MGAM2: variants seen among roughly 807,000 people sequenced by gnomAD.
MGAM2 encodes probable maltase-glucoamylase 2.
A neutral mutation model predicts 96.1 loss-of-function variants in MGAM2; 98 were observed. That is an observed-to-expected ratio of 1.02 (90% CI 0.87 to 1.21). MGAM2 has a LOEUF of 1.21. MGAM2 is among the 50% of genes most tolerant of loss of function. The pLI is 0.00. For synonymous variants in MGAM2, 749 were observed against 414.8 expected (o/e 1.81, Z -9.79); for missense variants, 2,055 against 1,182.4 (o/e 1.74, Z -10.82).
intron 46 of MGAM2, 124 bp downstream of exon 46, chr7:142,208,746 A>G (rs1797487347): frequency 1.7e-6 from 1 of 601,364 alleles, no homozygotes; most frequent in Non-Finnish European, 2.9e-6. Context: ...CTTTACTTTT[A>G]TAATCCAGGT....
intron 46 of MGAM2, among the ~76,000 whole-genome samples, chr7:142,216,207 G>A (rs1797754862): frequency 6.6e-6 from 1 of 152,164 alleles, no homozygotes; most frequent in Non-Finnish European, 1.5e-5. Flanking sequence ...CTGCCCTTAA[G>A]AGTAGTTGGG....
intron 21 of MGAM2, among the ~76,000 whole-genome samples, chr7:142,160,803 T>G (rs1222599199): frequency 8.5e-5 from 13 of 152,048 alleles, no homozygotes. Context: ...TGAATTAATA[T>G]AAATGATAAT....
intron 3 of MGAM2, among the ~76,000 whole-genome samples, chr7:142,129,651 C>T (rs377373538): frequency 2.7e-5 from 4 of 150,856 alleles, no homozygotes; most frequent in African/African-American, 9.7e-5. Context: ...ATGGTGAAAC[C>T]CTGTCTCTAC....
In MGAM2 at chr7:142,140,245, T is replaced by G. The variant is rs891625684; in HGVS notation, c.1087-557T>G. On this transcript the variant is annotated intron_variant, in intron 10 of 47. Coordinates refer to ENST00000477922, the MANE Select transcript of MGAM2 (RefSeq NM_001293626.2). ...CACTGAACTCCCCTACATTTCAATT[T>G]GCTCACTAAGAATAACACCTGCTCC... Among the ~76,000 whole-genome samples, 14 of 152,178 alleles carry G rather than the reference T, an allele frequency of 9.2e-5. 1 individual carries two copies. In the South Asian group the frequency reaches 2.7e-3, roughly 29 times the overall value.
At chr7:142,196,311 C>A in intron 38 of MGAM2, 24 bp downstream of exon 38, 2 of 711,974 alleles carry the variant, frequency 2.8e-6, no homozygotes, top group Non-Finnish European at 5.1e-6. Context: ...TTCCCAGGGG[C>A]CTGTGCTGGC....
At chr7:142,143,427 A>G (rs1338801507) in intron 12 of MGAM2, among the ~76,000 whole-genome samples, 1 of 152,212 alleles carries the variant, frequency 6.6e-6, no homozygotes, top group Non-Finnish European at 1.5e-5. Context: ...CAACACTTGA[A>G]AAAAGTTCAT....
chr7:142,162,623 A>G (rs113377057), intron 23 of MGAM2, among the ~76,000 whole-genome samples: 1,641 of 151,752 alleles, frequency 0.011, 32 homozygotes, highest in African/African-American at 0.038. Flanking sequence ...AAATGTGTAT[A>G]TATGTATCTG....
intron 11 of MGAM2, 25 bp downstream of exon 11, chr7:142,140,958 A>C: frequency 1.4e-6 from 1 of 696,708 alleles, no homozygotes; most frequent in Non-Finnish European, 2.6e-6. Context: ...TTGTTACCTT[A>C]TTTTTTCCTT....
chr7:142,164,808 G>T (rs916320112), intron 23 of MGAM2, 48 bp from the exon 24 acceptor site: 5 of 623,068 alleles, frequency 8.0e-6, no homozygotes, highest in Non-Finnish European at 1.4e-5. Flanking sequence ...GGGATAATAA[G>T]GGTCTGAAGT....
chr7:142,173,042 A>C (rs528226958), intron 30 of MGAM2, among the ~76,000 whole-genome samples, 187 bp from the exon 31 acceptor site: 2 of 152,238 alleles, frequency 1.3e-5, no homozygotes, highest in East Asian at 1.9e-4. Flanking sequence ...ATACAGAAAA[A>C]CTTCAATTAC....
chr7:142,194,220 C>T (rs1429296512), intron 37 of MGAM2, among the ~76,000 whole-genome samples: 2 of 152,104 alleles, frequency 1.3e-5, no homozygotes, highest in African/African-American at 4.8e-5. Flanking sequence ...TTATTAAAGA[C>T]AGGGTTTTGC....
intron 8 of MGAM2, among the ~76,000 whole-genome samples, chr7:142,137,216 T>TA (rs11289054): frequency 0.015 from 2,134 of 145,430 alleles, 25 homozygotes; most frequent in Middle Eastern, 0.036. Context: ...TTCTTTATCT[T>TA]AAAAAAAAAA....
chr7:142,132,077 A>T lies in MGAM2; in HGVS notation c.567A>T (p.Arg189Ser), dbSNP rs1794906305. ...FSIKIMRTSN[R>S]RVLLDTSIGP... ...TCAAAATAATGAGGACAAGCAACAG[A>T]AGAGTCTTGTGAGCTTTTCAACCCT... The change falls in exon 6 of 48, where the codon AGA (arginine) becomes AGT (serine). Residue 189 changes from arginine (R) to serine (S), a missense_variant. By Grantham distance (110) the Arg-to-Ser change is moderately radical. Transcript: ENST00000477922. 1 of 702,492 alleles carries T rather than the reference A, an allele frequency of 1.4e-6. No individual in the cohort carries two copies. The highest frequency in any genetic ancestry group is 1.7e-5 in the African/African-American group (1 of 57,196). The allele number at this position is 702,492 out of a possible 1,614,324, so 43.5% of individuals were successfully genotyped here.
At chr7:142,149,603 C>G (rs540953289) in intron 15 of MGAM2, among the ~76,000 whole-genome samples, 3 of 151,814 alleles carry the variant, frequency 2.0e-5, no homozygotes, top group South Asian at 2.1e-4. Context: ...TGCAGTGGTG[C>G]GATCTCGGCT....
At chr7:142,128,063 G>T (rs1385158683) in intron 3 of MGAM2, among the ~76,000 whole-genome samples, 1 of 152,164 alleles carries the variant, frequency 6.6e-6, no homozygotes, top group African/African-American at 2.4e-5. Flanking sequence ...TGGAGATGAG[G>T]AACTTGTTGG....
chr7:142,218,254 C>A, intron 46 of MGAM2, 107 bp from the exon 47 acceptor site: 1 of 480,750 alleles, frequency 2.1e-6, no homozygotes, highest in Non-Finnish European at 3.6e-6. Context: ...ATAGAAATAG[C>A]AAACTAATAT....
rs111852582 is a variant in MGAM2, at chr7:142,171,376, C to T, written c.3287C>T (p.Thr1096Met). The change falls in exon 28 of 48, where the codon ACG (threonine) becomes ATG (methionine). Residue 1096 changes from threonine (T) to methionine (M), a missense_variant. Coordinates refer to ENST00000477922, the MANE Select transcript of MGAM2 (RefSeq NM_001293626.2). ...TATGGCTTTGGGGAAACTGAGCACA[C>T]GACTTTCAGAAGAAACATGAACTGG... The part of the protein sequence containing the change: ...YIYGFGETEH[T>M]TFRRNMNWNT... The T allele has an allele frequency of 1.5e-3, 1,076 of 703,036 alleles. 13 individuals carry two copies. In the African/African-American group the frequency reaches 0.016, roughly 10 times the overall value. The allele number at this position is 703,036 out of a possible 1,614,324, so 43.5% of individuals were successfully genotyped here.
At chr7:142,174,713 C>CTTTTTTTTTTTTTTTTTTTTTTTT in intron 31 of MGAM2, among the ~76,000 whole-genome samples, 1 of 78,262 alleles carries the variant, frequency 1.3e-5, no homozygotes, top group East Asian at 4.3e-4. Context: ...CTCTCTCTCT[C>CTTTTTTTTTTTTTTTTTTTTTTTT]TCTTTTTTTT....
chr7:142,167,249 C>A lies in MGAM2; in HGVS notation c.2809-19C>A, dbSNP rs1044281638. ...GTGTTGTATCAGAGGCTGAGCAAGA[C>A]TTTCTCCTGTTATTCCAGGACACAT... On this transcript the variant is annotated intron_variant, in intron 25 of 47. Transcript: ENST00000477922. 3 of 666,620 alleles carry A rather than the reference C, an allele frequency of 4.5e-6. No individual in the cohort carries two copies. The highest frequency in any genetic ancestry group is 8.2e-6 in the Non-Finnish European group (3 of 365,366). The allele number at this position is 666,620 out of a possible 1,614,324, so 41.3% of individuals were successfully genotyped here.
Sources: gnomAD v4.1 joint callset for allele counts (sites outside exome capture counted in the v4.1 genomes callset) on GRCh38, gnomAD v4.1.1 for gene constraint, MANE v1.5 for transcripts, NCBI Gene and HGNC (gene_info 2026-07-23, HGNC 2026-07-21) for gene names.